The following LEPROT variants were observed in gnomAD, a reference collection of about 807,000 sequenced individuals.
LEPROT encodes leptin receptor overlapping transcript, also known as leptin receptor gene-related protein.
A neutral mutation model predicts 15.4 loss-of-function variants in LEPROT; 3 were observed. The ratio of observed to expected loss-of-function variants is 0.19; its 90% CI spans 0.09 to 0.50. The LOEUF (loss-of-function observed/expected upper bound fraction) is 0.50, where lower values mean the gene tolerates loss of function less well. Among genes scored for constraint, LEPROT ranks in the 20% least tolerant of loss-of-function variants. The probability of loss-of-function intolerance (pLI) is 0.97; values close to 1 mark genes in which losing one functional copy is unlikely to be tolerated. For synonymous variants in LEPROT, 59 were observed against 57.5 expected, an observed-to-expected ratio of 1.03 and a Z score of -0.12; for missense variants, 137 against 162.2, an observed-to-expected ratio of 0.84 and a Z score of 0.84.
In LEPROT at chr1:65,433,409, C is replaced by T; in HGVS notation, c.*1490C>T. 3 of 985,406 alleles carry T rather than the reference C, an allele frequency of 3.0e-6. No homozygotes were observed. Among genetic ancestry groups the T allele is most frequent in the Non-Finnish European group, 3.6e-6 (3 of 829,934 alleles). The allele number at this position is 985,406 out of a possible 1,614,324, so 61.0% of individuals were successfully genotyped here. A position where few individuals can be genotyped will look rare whatever the true frequency, so the allele number is the denominator to read the frequency against. ...CTGTAATCACAGTTTTCCCTGCTCA[C>T]CTTTTTGTCTAAGATCTATTGAGAA... On this transcript the variant is annotated 3_prime_UTR_variant, in exon 4 of 4. Coordinates refer to ENST00000371065, the MANE Select transcript of LEPROT (RefSeq NM_017526.5).
At chr1:65,423,070 G>A (rs1346842684) in intron 1 of LEPROT, among the ~76,000 whole-genome samples, 1 of 152,202 alleles carries the variant, frequency 6.6e-6, no homozygotes, top group African/African-American at 2.4e-5. Flanking sequence ...AGTCCTCTAA[G>A]ATAGGACCTT....
chr1:65,434,937 TCTC>T lies in LEPROT; in HGVS notation c.*3020_*3022del. The T allele has an allele frequency of 1.0e-6, 1 of 985,460 alleles. No homozygotes were observed. Among genetic ancestry groups the T allele is most frequent in the Non-Finnish European group, 1.2e-6 (1 of 829,988 alleles). 61.0% of individuals were successfully genotyped at this position (985,460 alleles called of 1,614,324 possible). The stretch of plus-strand genomic sequence containing the variant: ...CAGAAAGAATGCCTTGTGATTATCT[TCTC>T]CACATCTGAAATTCCTTTTGACACC... On this transcript the variant is annotated 3_prime_UTR_variant, in exon 4 of 4. Transcript: ENST00000371065.
In LEPROT at chr1:65,432,261, T is replaced by C; in HGVS notation, c.*342T>C. 1 of 1,004,338 alleles carries C rather than the reference T, an allele frequency of 1.0e-6. No homozygotes were observed. The highest frequency in any genetic ancestry group is 1.2e-6 in the Non-Finnish European group (1 of 842,008). 62.2% of individuals were successfully genotyped at this position (1,004,338 alleles called of 1,614,324 possible). A position where few individuals can be genotyped will look rare whatever the true frequency, so the allele number is the denominator to read the frequency against. On this transcript the variant is annotated 3_prime_UTR_variant, in exon 4 of 4. Coordinates refer to ENST00000371065, the MANE Select transcript of LEPROT (RefSeq NM_017526.5). ...TTGGGGATGTGCTTGGAGAGGCAGA[T>C]AACGCTGAAGCAGGCCTCTCATGAC...
intron 3 of LEPROT, among the ~76,000 whole-genome samples, chr1:65,430,854 G>T (rs575494830): frequency 1.3e-5 from 2 of 152,170 alleles, no homozygotes; most frequent in South Asian, 2.1e-4. Context: ...AATGCCATAG[G>T]GGCACCAAGA....
At chr1:65,423,768 A>T (rs1646301677) in intron 1 of LEPROT, among the ~76,000 whole-genome samples, 1 of 152,152 alleles carries the variant, frequency 6.6e-6, no homozygotes, top group Non-Finnish European at 1.5e-5. Context: ...AAAAATGTTC[A>T]TTGGCTTAAT....
chr1:65,426,855 G>T (rs1347844410), intron 2 of LEPROT, among the ~76,000 whole-genome samples: 1 of 152,100 alleles, frequency 6.6e-6, no homozygotes, highest in African/African-American at 2.4e-5. Flanking sequence ...AAAATTAGCT[G>T]GGCGTGGTGG....
rs1349237563 is a variant in LEPROT at position 65,432,921 on chromosome 1, A to G, written c.*1002A>G. 1.0e-6 allele frequency: 1 copy of G among 956,084 alleles called. No individual in the cohort carries two copies. The allele number at this position is 956,084 out of a possible 1,614,324, so 59.2% of individuals were successfully genotyped here. A position where few individuals can be genotyped will look rare whatever the true frequency, so the allele number is the denominator to read the frequency against. On this transcript the variant is annotated 3_prime_UTR_variant, in exon 4 of 4. Coordinates refer to ENST00000371065, the MANE Select transcript of LEPROT (RefSeq NM_017526.5). ...GTATTGTACCCTATAAAAATATACA[A>G]TAATTTGTCAATATATAATCAAAAT...
intron 1 of LEPROT, among the ~76,000 whole-genome samples, chr1:65,422,646 G>A (rs1261003700): frequency 1.3e-5 from 2 of 152,270 alleles, no homozygotes; most frequent in African/African-American, 2.4e-5. Flanking sequence ...AAGGCATGGA[G>A]TGAAGGTGGA....
chr1:65,427,054 T>C (rs971865376), intron 2 of LEPROT, among the ~76,000 whole-genome samples: 5 of 151,988 alleles, frequency 3.3e-5, no homozygotes, highest in Non-Finnish European at 7.4e-5. Flanking sequence ...TGAGTTATTA[T>C]GACAGTGATG....
chr1:65,421,041 T>A (rs553418853), intron 1 of LEPROT, among the ~76,000 whole-genome samples: 1 of 152,298 alleles, frequency 6.6e-6, no homozygotes, highest in Admixed American at 6.5e-5. Flanking sequence ...TCTCCTGAGT[T>A]TTTAAACAAG....
At chr1:65,428,558 C>T (rs1646424360) in intron 2 of LEPROT, among the ~76,000 whole-genome samples, 1 of 152,154 alleles carries the variant, frequency 6.6e-6, no homozygotes, top group Non-Finnish European at 1.5e-5. Flanking sequence ...TTGAAGGACA[C>T]ATTCCCTTCT....
At chr1:65,422,187 C>G (rs1646264370) in intron 1 of LEPROT, among the ~76,000 whole-genome samples, 1 of 152,194 alleles carries the variant, frequency 6.6e-6, no homozygotes, top group Non-Finnish European at 1.5e-5. Context: ...AAAATGATAA[C>G]TGGTTTAAGG....
chr1:65,430,199 T>G, intron 3 of LEPROT, 151 bp downstream of exon 3: 1 of 577,350 alleles, frequency 1.7e-6, no homozygotes, highest in Non-Finnish European at 2.8e-6. Flanking sequence ...TAGACCTGCC[T>G]AACAGTAGTT....
intron 1 of LEPROT, chr1:65,421,454 A>G (rs774881927): frequency 1.3e-6 from 2 of 1,536,072 alleles, no homozygotes; most frequent in South Asian, 1.2e-5. Context: ...GGCTTCCTGT[A>G]TTTTGGTAGG....
At position 65,432,544 on chromosome 1, in the gene LEPROT, G is replaced by C. The variant is rs1360303893; in HGVS notation, c.*625G>C. ...AGTGGCTAAACCACTTAACCTCTCT[G>C]GGTGTTACCTGCTCATTTGTTTAAA... is the stretch of plus-strand genomic sequence containing the variant. On this transcript the variant is annotated 3_prime_UTR_variant, in exon 4 of 4. Coordinates refer to ENST00000371065, the MANE Select transcript of LEPROT (RefSeq NM_017526.5). 1 of 851,050 alleles carries C rather than the reference G, an allele frequency of 1.2e-6. No individual in the cohort carries two copies. The highest frequency in any genetic ancestry group is 6.5e-5 in the Admixed American group (1 of 15,392). The allele number at this position is 851,050 out of a possible 1,614,324, so 52.7% of individuals were successfully genotyped here. A position where few individuals can be genotyped will look rare whatever the true frequency, so the allele number is the denominator to read the frequency against.
chr1:65,430,413 A>G (rs1646463344), intron 3 of LEPROT: 1 of 159,752 alleles, frequency 6.3e-6, no homozygotes, highest in Non-Finnish European at 1.4e-5. Context: ...TCTCCTGCAA[A>G]TGGGATCATG....
rs746839035 is a variant in LEPROT at position 65,433,242 on chromosome 1, T to C, written c.*1323T>C. On this transcript the variant is annotated 3_prime_UTR_variant, in exon 4 of 4. Coordinates refer to ENST00000371065, the MANE Select transcript of LEPROT (RefSeq NM_017526.5). The stretch of plus-strand genomic sequence containing the variant: ...GCTCTGGCTTCTTCCCGAAGAGATA[T>C]AGGAGCCATGTAAGCACGCAGTGGG... The C allele has an allele frequency of 1.5e-4, 147 of 985,368 alleles. No individual in the cohort carries two copies. The highest frequency in any genetic ancestry group is 5.2e-4 in the Middle Eastern group (1 of 1,916). The allele number at this position is 985,368 out of a possible 1,614,324, so 61.0% of individuals were successfully genotyped here.
At chr1:65,425,146 G>A (rs1006343011) in intron 1 of LEPROT, among the ~76,000 whole-genome samples, 157 bp from the exon 2 acceptor site, 14 of 151,992 alleles carry the variant, frequency 9.2e-5, no homozygotes, top group African/African-American at 3.1e-4. Flanking sequence ...ATATTCAGAA[G>A]GTTATGCAGC....
rs77453557 is a variant in LEPROT at position 65,434,022 on chromosome 1, G to T, written c.*2103G>T. ...TAATGATTCATTTCTACTACATTTT[G>T]CAAAAGTGTTTTTGTTGCTTATACA... On this transcript the variant is annotated 3_prime_UTR_variant, in exon 4 of 4. Coordinates refer to ENST00000371065, the MANE Select transcript of LEPROT (RefSeq NM_017526.5). The T allele has an allele frequency of 6.3e-4, 617 of 985,262 alleles. 4 individuals carry two copies. In the African/African-American group the frequency reaches 9.9e-3, roughly 16 times the overall value. 61.0% of individuals were successfully genotyped at this position (985,262 alleles called of 1,614,324 possible).
Sources: allele counts gnomAD v4.1 joint callset (sites outside exome capture counted in the v4.1 genomes callset), GRCh38; gene constraint gnomAD v4.1.1; transcripts MANE v1.5; gene names NCBI Gene and HGNC (gene_info 2026-07-23, HGNC 2026-07-21).